Variants in RBFOX1 observed in about 807,000 individuals in gnomAD.
RBFOX1 encodes the protein RNA binding fox-1 homolog 1, also known as RNA binding protein fox-1 homolog 1.
In RBFOX1, 8 loss-of-function variants were observed where a neutral mutation model predicts 57.7. The observed-to-expected ratio is 0.14, with a 90% CI of 0.08 to 0.25. RBFOX1 has a LOEUF of 0.25. Ranked by LOEUF, RBFOX1 falls within the 10% of genes least tolerant of loss-of-function variation. RBFOX1 has a pLI of 1.00. For missense variants in RBFOX1, 611 were observed against 548.5 expected (o/e 1.11, Z -1.14); for synonymous variants, 326 against 222.4 (o/e 1.47, Z -4.15).
chr16:6,822,183 G>T (rs987707272), intron 3 of RBFOX1, among the ~76,000 whole-genome samples: 4 of 152,156 alleles, frequency 2.6e-5, no homozygotes, highest in Non-Finnish European at 5.9e-5. Flanking sequence ...TGTAAGAGGG[G>T]AGAATGATGG....
chr16:6,192,437 A>C (rs557155395), intron 1 of RBFOX1, among the ~76,000 whole-genome samples: 5 of 149,870 alleles, frequency 3.3e-5, no homozygotes, highest in Admixed American at 2.7e-4. Context: ...GAGCCCCTCT[A>C]CCTCCCTCAT....
At chr16:5,264,339 C>T (rs747978320) in intron 1 of RBFOX1, among the ~76,000 whole-genome samples, 5 of 152,158 alleles carry the variant, frequency 3.3e-5, no homozygotes, top group Admixed American at 6.5e-5. Context: ...AGAACGTGGT[C>T]ACCCTGGCCC....
intron 2 of RBFOX1, among the ~76,000 whole-genome samples, chr16:6,432,517 CA>C (rs71145230): frequency 0.049 from 5,709 of 116,540 alleles, 137 homozygotes; most frequent in Admixed American, 0.11. Flanking sequence ...ACTAAAAATA[CA>C]AAAAAAAAAA....
intron 3 of RBFOX1, among the ~76,000 whole-genome samples, chr16:6,743,096 T>G (rs2072684294): frequency 6.6e-6 from 1 of 152,208 alleles, no homozygotes; most frequent in Non-Finnish European, 1.5e-5. Context: ...GTCTGTGTAT[T>G]TGTAATATTT....
chr16:7,106,567 A>T (rs887758261), intron 4 of RBFOX1, among the ~76,000 whole-genome samples: 5 of 152,130 alleles, frequency 3.3e-5, no homozygotes, highest in African/African-American at 1.2e-4. Flanking sequence ...CTATGTGCTT[A>T]GGGACTTCTT....
intron 4 of RBFOX1, chr16:7,510,288 G>C: frequency 3.0e-6 from 3 of 985,920 alleles, no homozygotes; most frequent in Non-Finnish European, 3.6e-6. Context: ...TTATGGAGGA[G>C]AAAGGAAGCA....
At chr16:7,094,632 T>G (rs1367457621) in intron 4 of RBFOX1, among the ~76,000 whole-genome samples, 2 of 144,066 alleles carry the variant, frequency 1.4e-5, no homozygotes, top group African/African-American at 5.7e-5. Flanking sequence ...TTTGAAGTTT[T>G]TTTTTTTTTT....
chr16:7,636,946 C>T (rs554456834), intron 11 of RBFOX1, among the ~76,000 whole-genome samples: 8 of 152,252 alleles, frequency 5.3e-5, no homozygotes, highest in African/African-American at 1.7e-4. Context: ...AACCTAATTA[C>T]CTCTCAAAAG....
At chr16:7,641,643 CAGA>C (rs2062814253) in intron 11 of RBFOX1, among the ~76,000 whole-genome samples, 1 of 152,158 alleles carries the variant, frequency 6.6e-6, no homozygotes, top group Non-Finnish European at 1.5e-5. Flanking sequence ...CAAACATTTC[CAGA>C]AGATCATTTT....
intron 4 of RBFOX1, among the ~76,000 whole-genome samples, chr16:5,904,371 TG>T (rs2058389692): frequency 6.6e-6 from 1 of 152,062 alleles, no homozygotes; most frequent in Non-Finnish European, 1.5e-5. Context: ...CTCCATCACT[TG>T]GGGACAGGTG....
intron 3 of RBFOX1, among the ~76,000 whole-genome samples, chr16:6,941,838 CT>C (rs2078583123): frequency 6.6e-6 from 1 of 151,982 alleles, no homozygotes; most frequent in Non-Finnish European, 1.5e-5. Context: ...TTTTTTCCCC[CT>C]AACTCTTTCC....
At chr16:5,498,818 C>A (rs1013398481) in intron 2 of RBFOX1, among the ~76,000 whole-genome samples, 1 of 152,242 alleles carries the variant, frequency 6.6e-6, no homozygotes, top group African/African-American at 2.4e-5. Context: ...ATCACTCCCT[C>A]CCCTCCTATT....
chr16:6,770,093 A>G (rs545444704), intron 3 of RBFOX1, among the ~76,000 whole-genome samples: 3 of 152,338 alleles, frequency 2.0e-5, no homozygotes, highest in African/African-American at 7.2e-5. Flanking sequence ...GGTCAGCAGA[A>G]AGGAAAGAAA....
chr16:5,355,875 G>T lies in RBFOX1; in HGVS notation c.220-111341G>T, dbSNP rs574447803. Among the ~76,000 whole-genome samples, 33 of 152,284 alleles carry T rather than the reference G, an allele frequency of 2.2e-4. 1 individual carries two copies. The South Asian group carries it at 6.6e-3, about 31-fold the overall frequency. On this transcript the variant is annotated intron_variant, in intron 1 of 2. Coordinates refer to the RBFOX1 transcript ENST00000585867. Reference sequence around the variant, plus strand: ...GGAGGCCGAGGCAGGTGAATCGCCTGAGACTAGGAGTTTGAGACCAGCCTG... The same window carrying T: ...GGAGGCCGAGGCAGGTGAATCGCCTTAGACTAGGAGTTTGAGACCAGCCTG...
At chr16:7,175,982 T>C (rs905705804) in intron 4 of RBFOX1, among the ~76,000 whole-genome samples, 7 of 152,054 alleles carry the variant, frequency 4.6e-5, no homozygotes, top group African/African-American at 1.7e-4. Flanking sequence ...CTTAAGTATC[T>C]GGGAGGTGCG....
At chr16:6,501,131 CTTTTT>C (rs1003003339) in intron 2 of RBFOX1, among the ~76,000 whole-genome samples, 66 of 107,908 alleles carry the variant, frequency 6.1e-4, no homozygotes, top group African/African-American at 2.1e-3. Flanking sequence ...GTTAAACATT[CTTTTT>C]TTTTTTTTTT....
At chr16:7,071,186 G>C (rs1039709169) in intron 4 of RBFOX1, among the ~76,000 whole-genome samples, 5 of 152,108 alleles carry the variant, frequency 3.3e-5, no homozygotes, top group African/African-American at 1.2e-4. Context: ...TGGTTCTTAG[G>C]TATCACAGAG....
intron 3 of RBFOX1, among the ~76,000 whole-genome samples, chr16:6,829,510 C>T (rs886160654): frequency 6.7e-6 from 1 of 148,202 alleles, no homozygotes; most frequent in African/African-American, 2.5e-5. Context: ...AAAACGTTAA[C>T]TTATAGGTAC....
chr16:6,716,502 G>C (rs1363592674), intron 3 of RBFOX1, among the ~76,000 whole-genome samples: 1 of 152,096 alleles, frequency 6.6e-6, no homozygotes, highest in Non-Finnish European at 1.5e-5. Context: ...GCCCATTTCA[G>C]CAACTAAAAT....
Sources: gnomAD v4.1 joint callset for allele counts (sites outside exome capture counted in the v4.1 genomes callset) on GRCh38, gnomAD v4.1.1 for gene constraint, MANE v1.5 for transcripts, NCBI Gene and HGNC (gene_info 2026-07-23, HGNC 2026-07-21) for gene names.